The following PCDHGA7 variants were observed in gnomAD, a reference collection of about 807,000 sequenced individuals.
PCDHGA7 encodes protocadherin gamma subfamily A, 7, also known as protocadherin gamma-A7.
PCDHGA7 carries 44 observed loss-of-function variants against 58.3 expected under a neutral mutation model. The observed-to-expected ratio is 0.75, with a 90% CI of 0.59 to 0.97. The LOEUF (loss-of-function observed/expected upper bound fraction) is 0.97, where lower values mean the gene tolerates loss of function less well. Among genes scored for constraint, PCDHGA7 ranks in the 50% least tolerant of loss-of-function variants. The pLI, the probability that PCDHGA7 is intolerant of heterozygous loss-of-function variation, is 0.00. For missense variants in PCDHGA7, 1,266 were observed against 1,188.7 expected, an observed-to-expected ratio of 1.06 and a Z score of -0.96; for synonymous variants, 516 against 504.2, an observed-to-expected ratio of 1.02 and a Z score of -0.31.
intron 1 of PCDHGA7, chr5:141,390,317 C>T: frequency 1.2e-6 from 2 of 1,610,390 alleles, no homozygotes; most frequent in Non-Finnish European, 1.7e-6. Context: ...ATGCTCATTG[C>T]CTACCCATTT....
rs1315225126 is a variant in PCDHGA7 at position 141,487,926 on chromosome 5, A to G, written c.2425-6881A>G. The G allele has an allele frequency of 2.2e-5, 14 of 626,676 alleles. No individual in the cohort carries two copies. Among genetic ancestry groups the G allele is most frequent in the Non-Finnish European group, 3.9e-5 (14 of 359,988 alleles). The allele number at this position is 626,676 out of a possible 1,614,324, so 38.8% of individuals were successfully genotyped here. ...GTGGGAGCACAGGAGGCTACAGTGC[A>G]CAGGGTACAGTGCACCAGGCAGTCA... On this transcript the variant is annotated intron_variant, in intron 1 of 3. Coordinates refer to ENST00000518325, the MANE Select transcript of PCDHGA7 (RefSeq NM_018920.4). The surrounding 1 kb of genome is among the most constrained non-coding windows in gnomAD (Gnocchi z 5.0).
rs72790062 is a variant in PCDHGA7, at chr5:141,476,031, C to A, written c.2425-18776C>A. On this transcript the variant is annotated intron_variant, in intron 1 of 3. Coordinates refer to ENST00000518325, the MANE Select transcript of PCDHGA7 (RefSeq NM_018920.4). The surrounding 1 kb of genome is among the most constrained non-coding windows in gnomAD (Gnocchi z 7.6). Reference sequence around the variant, plus strand: ...AAGCCATGTCGGACTCGGCGCCCAGCGCCCAAGCGCTAACCCGCTGAAAGT... The same window carrying A: ...AAGCCATGTCGGACTCGGCGCCCAGAGCCCAAGCGCTAACCCGCTGAAAGT... 6.9e-6 allele frequency: 10 copies of A among 1,457,214 alleles called. No homozygotes were observed. The highest frequency in any genetic ancestry group is 9.1e-6 in the Non-Finnish European group (10 of 1,094,860). 90.3% of individuals were successfully genotyped at this position (1,457,214 alleles called of 1,614,324 possible).
At chr5:141,417,718 G>T in intron 1 of PCDHGA7, 1 of 1,304,720 alleles carries the variant, frequency 7.7e-7, no homozygotes. Context: ...GCTCCCGGCT[G>T]CGCAGACCTT....
At chr5:141,392,870 G>T (rs757363357) in intron 1 of PCDHGA7, 8 of 1,613,226 alleles carry the variant, frequency 5.0e-6, no homozygotes, top group Non-Finnish European at 6.8e-6. Context: ...TGTGCGCGCT[G>T]CTGGGAACGC....
At chr5:141,478,535 C>G (rs1359742091) in intron 1 of PCDHGA7, 1 of 1,607,794 alleles carries the variant, frequency 6.2e-7, no homozygotes, top group Non-Finnish European at 8.5e-7. Flanking sequence ...AGAGAGCGCC[C>G]CTCCCGGACA....
intron 1 of PCDHGA7, chr5:141,427,043 G>A: frequency 2.2e-6 from 1 of 457,348 alleles, no homozygotes; most frequent in Non-Finnish European, 4.4e-6. Context: ...GAGAGAATGT[G>A]CCCCCAGGCA....
At chr5:141,392,991 G>A in intron 1 of PCDHGA7, 1 of 1,613,904 alleles carries the variant, frequency 6.2e-7, no homozygotes, top group Middle Eastern at 1.7e-4. Flanking sequence ...CCGGAAGCTG[G>A]CGAAGCACGG....
chr5:141,451,037 C>T (rs1293972996), intron 1 of PCDHGA7, among the ~76,000 whole-genome samples: 1 of 151,594 alleles, frequency 6.6e-6, no homozygotes, highest in Middle Eastern at 3.2e-3. Context: ...ACCATATTGG[C>T]CAGGCTGGTC....
chr5:141,414,263 A>G, intron 1 of PCDHGA7: 1 of 1,613,500 alleles, frequency 6.2e-7, no homozygotes, highest in Non-Finnish European at 8.5e-7. Flanking sequence ...GTGACTGAAG[A>G]TTCACCTCTG....
chr5:141,464,180 G>T (rs1251683320), intron 1 of PCDHGA7, among the ~76,000 whole-genome samples: 1 of 151,340 alleles, frequency 6.6e-6, no homozygotes, highest in Non-Finnish European at 1.5e-5. Flanking sequence ...CAGGAGAATT[G>T]CTTGATTTCA....
intron 1 of PCDHGA7, chr5:141,405,099 T>C: frequency 6.2e-7 from 1 of 1,613,942 alleles, no homozygotes; most frequent in East Asian, 2.2e-5. Flanking sequence ...GCCCTCAGGC[T>C]GAGGCACTGG....
In PCDHGA7 at chr5:141,511,445, A is replaced by G; in HGVS notation, c.*272A>G. ...GGTAGTGGGGTTACTGTAGACACCA[A>G]GAACCATTTGCCACACCCCGTTTAG... On this transcript the variant is annotated 3_prime_UTR_variant, in exon 4 of 4. Coordinates refer to ENST00000518325, the MANE Select transcript of PCDHGA7 (RefSeq NM_018920.4). 4.5e-6 allele frequency: 3 copies of G among 659,774 alleles called. No individual in the cohort carries two copies. Among genetic ancestry groups the G allele is most frequent in the Non-Finnish European group, 4.9e-6 (2 of 412,228 alleles). 40.9% of individuals were successfully genotyped at this position (659,774 alleles called of 1,614,324 possible). A position where few individuals can be genotyped will look rare whatever the true frequency, so the allele number is the denominator to read the frequency against.
intron 1 of PCDHGA7, chr5:141,396,465 C>T (rs1471669939): frequency 6.6e-6 from 1 of 152,072 alleles, no homozygotes; most frequent in African/African-American, 2.4e-5. Flanking sequence ...CTAAAAACTA[C>T]AAAAATTAGC....
intron 1 of PCDHGA7, chr5:141,395,179 A>C: frequency 6.2e-7 from 1 of 1,614,164 alleles, no homozygotes; most frequent in South Asian, 1.1e-5. Flanking sequence ...GAGAAAAATG[A>C]TTCTTTGTTA....
At chr5:141,421,762 T>G (rs1272315856) in intron 1 of PCDHGA7, 2 of 1,613,884 alleles carry the variant, frequency 1.2e-6, no homozygotes, top group Non-Finnish European at 8.5e-7. Context: ...TAATAATTAC[T>G]TTTCCTTGCA....
At chr5:141,415,647 A>C in intron 1 of PCDHGA7, 2 of 1,599,602 alleles carry the variant, frequency 1.3e-6, no homozygotes, top group Non-Finnish European at 1.7e-6. Context: ...TTGTTAAAAA[A>C]AAAAAGATTG....
chr5:141,433,054 G>A, intron 1 of PCDHGA7: 2 of 1,614,196 alleles, frequency 1.2e-6, no homozygotes, highest in Non-Finnish European at 1.7e-6. Context: ...ACTCGCGGAA[G>A]AGTCACCTGA....
chr5:141,392,628 A>T (rs2092566593), intron 1 of PCDHGA7: 1 of 588,334 alleles, frequency 1.7e-6, no homozygotes, highest in South Asian at 2.7e-5. Context: ...AAACACTCAG[A>T]TCTCACACCT....
At chr5:141,433,332 T>C (rs1344429296) in intron 1 of PCDHGA7, 7 of 694,580 alleles carry the variant, frequency 1.0e-5, no homozygotes, top group Non-Finnish European at 1.7e-5. Context: ...TAACAGGGAC[T>C]ACAGGTGCAA....
Sources: allele counts gnomAD v4.1 joint callset (sites outside exome capture counted in the v4.1 genomes callset), GRCh38; gene constraint gnomAD v4.1.1; non-coding constraint Gnocchi (gnomAD v3.1); transcripts MANE v1.5; gene names NCBI Gene and HGNC (gene_info 2026-07-23, HGNC 2026-07-21).